USH2A: variants seen among roughly 807,000 people sequenced by gnomAD.
USH2A encodes Usher syndrome 2A (autosomal recessive, mild).
In USH2A, 443 loss-of-function variants were observed where a neutral mutation model predicts 538.9. That is an observed-to-expected ratio of 0.82 (90% CI 0.76 to 0.89). The LOEUF (loss-of-function observed/expected upper bound fraction) is 0.89, where lower values mean the gene tolerates loss of function less well. Ranked by LOEUF, USH2A falls within the 40% of genes least tolerant of loss-of-function variation. USH2A has a pLI of 0.00. For synonymous variants in USH2A, 2,413 were observed against 2,273.5 expected (o/e 1.06, Z -1.75); for missense variants, 6,633 against 6,324.8 (o/e 1.05, Z -1.65).
chr1:215,768,890 C>T (rs2102750004), intron 55 of USH2A, among the ~76,000 whole-genome samples: 1 of 152,280 alleles, frequency 6.6e-6, no homozygotes, highest in East Asian at 1.9e-4. Context: ...TGGGAGGTCA[C>T]TTTCCCCTAT....
rs183665298 is a variant in USH2A, at chr1:215,623,207, G to A, written c.*2574C>T. On this transcript the variant is annotated 3_prime_UTR_variant, in exon 72 of 72. Coordinates refer to ENST00000307340, the MANE Select transcript of USH2A (RefSeq NM_206933.4). ...GTTGATATTAAGAATAACAAAACAT[G>A]GTAGTTCGTAAGCTGAGAATGTGGC... is the stretch of plus-strand genomic sequence containing the variant. The A allele has an allele frequency of 1.8e-4, 28 of 152,196 alleles. No individual in the cohort carries two copies. In the East Asian group the frequency reaches 5.4e-3, roughly 29 times the overall value. The allele number at this position is 152,196 out of a possible 1,614,324, so 9.4% of individuals were successfully genotyped here.
chr1:216,371,627 T>C (rs1473335829), intron 3 of USH2A, among the ~76,000 whole-genome samples: 1 of 152,220 alleles, frequency 6.6e-6, no homozygotes, highest in African/African-American at 2.4e-5. Context: ...TTATATTTCA[T>C]CTTGTTAGAT....
intron 43 of USH2A, among the ~76,000 whole-genome samples, chr1:215,875,925 T>C (rs1484024741): frequency 1.5e-5 from 2 of 136,084 alleles, no homozygotes; most frequent in Non-Finnish European, 3.2e-5. Context: ...TAATATATAT[T>C]GATTATTATA....
chr1:215,845,616 C>T (rs1663817197), intron 45 of USH2A, among the ~76,000 whole-genome samples: 1 of 152,164 alleles, frequency 6.6e-6, no homozygotes. Context: ...GCTAATATCT[C>T]ATTATTAGAG....
intron 56 of USH2A, among the ~76,000 whole-genome samples, chr1:215,764,491 AG>A (rs1301238333): frequency 6.6e-6 from 1 of 152,178 alleles, no homozygotes; most frequent in Non-Finnish European, 1.5e-5. Context: ...ACAGGTACAC[AG>A]TTTTCTATGA....
chr1:216,340,785 A>C (rs1173272084), intron 4 of USH2A, among the ~76,000 whole-genome samples: 1 of 152,130 alleles, frequency 6.6e-6, no homozygotes, highest in Non-Finnish European at 1.5e-5. Context: ...GGCTTCAATA[A>C]AATTCAACAC....
chr1:215,861,554 C>G (rs958570041), intron 44 of USH2A, among the ~76,000 whole-genome samples: 1 of 152,174 alleles, frequency 6.6e-6, no homozygotes, highest in African/African-American at 2.4e-5. Context: ...GTGTTGTACA[C>G]GACTGCATAG....
chr1:216,127,583 T>C (rs2033281649), intron 21 of USH2A, among the ~76,000 whole-genome samples: 1 of 152,184 alleles, frequency 6.6e-6, no homozygotes, highest in South Asian at 2.1e-4. Flanking sequence ...GAGACCTTGC[T>C]AATATCCATC....
chr1:216,044,073 G>A (rs1368664716), intron 32 of USH2A, among the ~76,000 whole-genome samples: 1 of 151,894 alleles, frequency 6.6e-6, no homozygotes, highest in Non-Finnish European at 1.5e-5. Flanking sequence ...AAGAGATGCA[G>A]TAATGAAAAA....
intron 49 of USH2A, among the ~76,000 whole-genome samples, chr1:215,810,455 G>T (rs937283346): frequency 4.6e-5 from 7 of 152,136 alleles, no homozygotes; most frequent in African/African-American, 7.2e-5. Flanking sequence ...ATGTAACTAA[G>T]AATTTTTCAT....
chr1:216,325,473 T>A lies in USH2A; in HGVS notation c.975A>T (p.Gly325=). The A allele has an allele frequency of 6.2e-7, 1 of 1,613,908 alleles. No homozygotes were observed. Among genetic ancestry groups the A allele is most frequent in the East Asian group, 2.2e-5 (1 of 44,818 alleles). ...AQRYCIPNDA[G]DTADNRVSRL... is the part of the protein sequence containing the mutation. ...GTGACACTCTATTATCAGCTGTGTC[T>A]CCTGCATCATTAGGAATGCAGTACC... Residue 325 remains glycine, a synonymous_variant, in exon 6 of 72, where the codon GGA becomes GGT. Transcript: ENST00000307340.
intron 37 of USH2A, among the ~76,000 whole-genome samples, chr1:215,953,654 C>A (rs557890575): frequency 1.2e-3 from 178 of 152,034 alleles, no homozygotes; most frequent in African/African-American, 4.1e-3. Flanking sequence ...TAGGCATGGG[C>A]AAGGACTTCA....
At chr1:216,281,257 CT>C (rs2036770035) in intron 11 of USH2A, among the ~76,000 whole-genome samples, 1 of 152,000 alleles carries the variant, frequency 6.6e-6, no homozygotes, top group Non-Finnish European at 1.5e-5. Context: ...CATTCCTATT[CT>C]TATGTGTAAT....
intron 16 of USH2A, chr1:216,201,876 A>G: frequency 6.1e-6 from 1 of 162,750 alleles, no homozygotes. Context: ...TAGGAATAGA[A>G]GAGACAGGGG....
At chr1:216,002,270 T>G (rs1057461837) in intron 32 of USH2A, among the ~76,000 whole-genome samples, 1 of 152,176 alleles carries the variant, frequency 6.6e-6, no homozygotes, top group Non-Finnish European at 1.5e-5. Flanking sequence ...AGGGCCAATC[T>G]TGGCCAAAAT....
At chr1:216,051,963 T>C (rs1408141436) in intron 30 of USH2A, among the ~76,000 whole-genome samples, 2 of 152,324 alleles carry the variant, frequency 1.3e-5, no homozygotes, top group East Asian at 3.9e-4. Flanking sequence ...CTATAGACTT[T>C]CAGAGGGATT....
At position 215,803,627 on chromosome 1, in the gene USH2A, TAA is replaced by T. The variant is rs1662404420; in HGVS notation, c.9740-4504_9740-4503del. On this transcript the variant is annotated intron_variant, in intron 49 of 71. Coordinates refer to ENST00000307340, the MANE Select transcript of USH2A (RefSeq NM_206933.4). Reference sequence around the variant, plus strand: ...AACTACAAAGCACTGCTCAATGAAATAAAAGAGGATACAAACAAATGGAAGAA... The same window carrying T: ...AACTACAAAGCACTGCTCAATGAAATAAGAGGATACAAACAAATGGAAGAA... Among the ~76,000 whole-genome samples, 3 of 151,920 alleles carry T rather than the reference TAA, an allele frequency of 2.0e-5. No homozygotes were observed. In the South Asian group the frequency reaches 6.2e-4, roughly 32 times the overall value.
intron 66 of USH2A, 136 bp from the exon 67 acceptor site, chr1:215,647,866 A>C: frequency 5.0e-6 from 5 of 992,590 alleles, no homozygotes; most frequent in Non-Finnish European, 7.6e-6. Context: ...TTCCATTTGC[A>C]GGAAACTGCT....
intron 32 of USH2A, among the ~76,000 whole-genome samples, chr1:216,018,546 T>C (rs1257300610): frequency 6.6e-6 from 1 of 152,146 alleles, no homozygotes; most frequent in Non-Finnish European, 1.5e-5. Flanking sequence ...TTATTGTGTC[T>C]TACGTTGGCA....
Sources: gnomAD v4.1 joint callset for allele counts (sites outside exome capture counted in the v4.1 genomes callset) on GRCh38, gnomAD v4.1.1 for gene constraint, MANE v1.5 for transcripts, NCBI Gene and HGNC (gene_info 2026-07-23, HGNC 2026-07-21) for gene names.